The following CACNA1C variants were observed in gnomAD, a reference collection of about 807,000 sequenced individuals.
CACNA1C encodes the protein voltage-dependent L-type calcium channel subunit alpha-1C.
CACNA1C carries 30 observed loss-of-function variants against 229.0 expected under a neutral mutation model. The observed-to-expected ratio is 0.13, with a 90% CI of 0.10 to 0.18. The LOEUF is 0.18. Among genes scored for constraint, CACNA1C ranks in the 10% least tolerant of loss-of-function variants. The pLI, the probability that CACNA1C is intolerant of heterozygous loss-of-function variation, is 1.00. For missense variants in CACNA1C, 1,658 were observed against 2,845.0 expected (o/e 0.58, Z 9.49); for synonymous variants, 1,114 against 1,132.5 (o/e 0.98, Z 0.33).
At chr12:2,521,170 T>C (rs997022158) in intron 9 of CACNA1C, among the ~76,000 whole-genome samples, 2 of 152,188 alleles carry the variant, frequency 1.3e-5, no homozygotes, top group Non-Finnish European at 2.9e-5. Context: ...CCCACACCCT[T>C]TTTAGATACC....
At chr12:2,337,799 G>A (rs1014540144) in intron 3 of CACNA1C, among the ~76,000 whole-genome samples, 1 of 152,162 alleles carries the variant, frequency 6.6e-6, no homozygotes, top group Admixed American at 6.5e-5. Context: ...CCCACCACTG[G>A]GGAGGCCAGA....
At chr12:1,985,263 G>T (rs140791656) in intron 1 of CACNA1C, among the ~76,000 whole-genome samples, 79 of 152,038 alleles carry the variant, frequency 5.2e-4, no homozygotes, top group African/African-American at 1.8e-3. Context: ...TTCTGATATT[G>T]CCCCACGGAT....
chr12:2,196,183 G>A (rs2154307188), intron 3 of CACNA1C, among the ~76,000 whole-genome samples: 1 of 152,168 alleles, frequency 6.6e-6, no homozygotes, highest in East Asian at 1.9e-4. Context: ...CTGGTTTAGG[G>A]CAGTGTACCT....
At chr12:2,667,644 G>A (rs1421293016) in intron 37 of CACNA1C, among the ~76,000 whole-genome samples, 2 of 152,210 alleles carry the variant, frequency 1.3e-5, no homozygotes, top group Non-Finnish European at 2.9e-5. Flanking sequence ...GCAAGGCAAG[G>A]GTGGGGAGGG....
At chr12:2,480,320 A>T (rs1295336033) in intron 5 of CACNA1C, among the ~76,000 whole-genome samples, 1 of 152,124 alleles carries the variant, frequency 6.6e-6, no homozygotes, top group Non-Finnish European at 1.5e-5. Context: ...TCCTCTCCCC[A>T]TTCAGCCTTC....
chr12:2,639,105 C>G lies in CACNA1C; in HGVS notation c.3912+4725C>G, dbSNP rs1568982691. Among the ~76,000 whole-genome samples, 1 of 152,218 alleles carries G rather than the reference C, an allele frequency of 6.6e-6. No homozygotes were observed. The highest frequency in any genetic ancestry group is 2.1e-4 in the South Asian group (1 of 4,830). On this transcript the variant is annotated intron_variant, in intron 30 of 46. Coordinates refer to ENST00000399655, the MANE Select transcript of CACNA1C (RefSeq NM_000719.7). This position sits in a 1 kb window ranked among gnomAD's most constrained non-coding sequence, Gnocchi z 4.2. Reference sequence around the variant, plus strand: ...GTCACAAGAGGACCGTCTTCAGGCCCCCTCGTGCGGTCATGCTGAATTCAG... The same window carrying G: ...GTCACAAGAGGACCGTCTTCAGGCCGCCTCGTGCGGTCATGCTGAATTCAG...
chr12:2,249,774 T>C lies in CACNA1C; in HGVS notation c.477+129344T>C, dbSNP rs559208983. 4.9e-3 allele frequency among the ~76,000 whole-genome samples: 707 copies of C among 144,964 alleles called. 1 individual carries two copies. The highest frequency in any genetic ancestry group is 0.017 in the African/African-American group (685 of 39,292). On this transcript the variant is annotated intron_variant, in intron 3 of 46. Coordinates refer to ENST00000399655, the MANE Select transcript of CACNA1C (RefSeq NM_000719.7). ...GTGACATCTGCCTTGCCTTCTCTCT[T>C]TTTTTTTTTTTTTTGAGATGGAGTC...
chr12:1,977,250 T>A (rs886973571), intron 1 of CACNA1C, among the ~76,000 whole-genome samples: 14 of 152,132 alleles, frequency 9.2e-5, no homozygotes, highest in African/African-American at 3.1e-4. Context: ...AAAGCACAGA[T>A]CTGTTAGCAT....
rs2048636153 is a variant in CACNA1C at position 2,033,794 on chromosome 12, A to G, written c.139+62593A>G. 2.0e-5 allele frequency among the ~76,000 whole-genome samples: 3 copies of G among 152,230 alleles called. No homozygotes were observed. In the South Asian group the frequency reaches 6.2e-4, roughly 31 times the overall value. ...CCTCAGCAGATGCAGCTGCCAATAA[A>G]GTTAAAGTAAATGTAGGCACCGTGA... On this transcript the variant is annotated intron_variant, in intron 1 of 46. Coordinates refer to the CACNA1C transcript ENST00000682462.
chr12:2,473,532 G>T (rs1203032587), intron 5 of CACNA1C, among the ~76,000 whole-genome samples: 1 of 152,184 alleles, frequency 6.6e-6, no homozygotes, highest in Admixed American at 6.5e-5. Flanking sequence ...ATAAGGCACA[G>T]TAGTAATTGG....
At chr12:2,329,954 G>A (rs960418645) in intron 3 of CACNA1C, among the ~76,000 whole-genome samples, 4 of 152,214 alleles carry the variant, frequency 2.6e-5, no homozygotes, top group Non-Finnish European at 4.4e-5. Context: ...ATGGAATAAC[G>A]TTAGTTGGTT....
At chr12:2,264,788 G>T (rs2081683508) in intron 3 of CACNA1C, among the ~76,000 whole-genome samples, 1 of 152,120 alleles carries the variant, frequency 6.6e-6, no homozygotes, top group Non-Finnish European at 1.5e-5. Context: ...AAAATTGATG[G>T]CCCCCCTTTG....
intron 3 of CACNA1C, among the ~76,000 whole-genome samples, chr12:2,189,092 CAAAAAAAAAAAAA>C (rs57559183): frequency 2.9e-5 from 1 of 34,400 alleles, no homozygotes; most frequent in Non-Finnish European, 7.7e-5. Flanking sequence ...GACTCCGTCT[CAAAAAAAAAAAAA>C]AAAAAAAAAA....
intron 10 of CACNA1C, among the ~76,000 whole-genome samples, chr12:2,553,681 G>A (rs936750039): frequency 1.3e-5 from 2 of 152,250 alleles, no homozygotes; most frequent in Non-Finnish European, 2.9e-5. Flanking sequence ...ATGGCAGAAG[G>A]CCCAGGCGGT....
chr12:2,200,564 G>A (rs991805950), intron 3 of CACNA1C, among the ~76,000 whole-genome samples: 1 of 152,156 alleles, frequency 6.6e-6, no homozygotes, highest in African/African-American at 2.4e-5. Flanking sequence ...ACCTTGTTCT[G>A]GAGTCTGAGG....
chr12:1,987,891 T>TA (rs2038258067), intron 1 of CACNA1C, among the ~76,000 whole-genome samples: 1 of 152,238 alleles, frequency 6.6e-6, no homozygotes, highest in African/African-American at 2.4e-5. Flanking sequence ...CCCTCCCCCT[T>TA]AGTTTTCAAT....
chr12:2,497,757 A>G (rs764777622), intron 7 of CACNA1C, among the ~76,000 whole-genome samples: 4 of 152,176 alleles, frequency 2.6e-5, no homozygotes, highest in African/African-American at 7.2e-5. Flanking sequence ...TATAAAAAAT[A>G]CTTAATGAGA....
At chr12:2,310,416 A>G (rs1170890998) in intron 3 of CACNA1C, among the ~76,000 whole-genome samples, 1 of 151,726 alleles carries the variant, frequency 6.6e-6, no homozygotes. Context: ...CAACATATCT[A>G]ATTTGGTTTT....
chr12:2,551,637 G>T (rs544311294), intron 10 of CACNA1C, among the ~76,000 whole-genome samples: 1 of 152,334 alleles, frequency 6.6e-6, no homozygotes, highest in Non-Finnish European at 1.5e-5. Flanking sequence ...CTGAGGGGAA[G>T]TGAGTGACCG....
Sources: gnomAD v4.1 joint callset for allele counts (sites outside exome capture counted in the v4.1 genomes callset) on GRCh38, gnomAD v4.1.1 for gene constraint, Gnocchi (gnomAD v3.1) non-coding constraint, MANE v1.5 for transcripts, NCBI Gene and HGNC (gene_info 2026-07-23, HGNC 2026-07-21) for gene names.